CNTN4: variants seen among roughly 807,000 people sequenced by gnomAD.
CNTN4 encodes contactin-4.
In CNTN4, 77 loss-of-function variants were observed where a neutral mutation model predicts 122.5. That is an observed-to-expected ratio of 0.63 (90% CI 0.52 to 0.76). The LOEUF (loss-of-function observed/expected upper bound fraction) is 0.76, where lower values mean the gene tolerates loss of function less well. CNTN4 is among the 30% of genes least tolerant of loss of function. CNTN4 has a pLI of 0.00. For missense variants in CNTN4, 1,256 were observed against 1,259.1 expected, an observed-to-expected ratio of 1.00 and a Z score of 0.04; for synonymous variants, 512 against 447.0, an observed-to-expected ratio of 1.15 and a Z score of -1.83.
chr3:2,673,626 C>G (rs1165798517), intron 4 of CNTN4, among the ~76,000 whole-genome samples: 2 of 152,068 alleles, frequency 1.3e-5, no homozygotes, highest in African/African-American at 2.4e-5. Flanking sequence ...CTGCAAGCTG[C>G]ACCTCACGGG....
intron 2 of CNTN4, among the ~76,000 whole-genome samples, chr3:2,323,857 A>G (rs372469971): frequency 1.3e-5 from 2 of 152,316 alleles, no homozygotes; most frequent in East Asian, 3.9e-4. Flanking sequence ...ACTGGGCTCT[A>G]TAATATGCTT....
At chr3:2,264,832 T>C (rs1317104945) in intron 2 of CNTN4, among the ~76,000 whole-genome samples, 1 of 152,090 alleles carries the variant, frequency 6.6e-6, no homozygotes, top group Non-Finnish European at 1.5e-5. Context: ...CATTCTCCTG[T>C]ATATAGTTTT....
At chr3:2,749,469 C>A (rs1266775348) in intron 6 of CNTN4, among the ~76,000 whole-genome samples, 1 of 152,008 alleles carries the variant, frequency 6.6e-6, no homozygotes, top group Admixed American at 6.6e-5. Context: ...GCTCATTTAC[C>A]AGAATTTAAT....
chr3:2,482,704 T>C (rs1411543171), intron 3 of CNTN4, among the ~76,000 whole-genome samples: 3 of 152,152 alleles, frequency 2.0e-5, no homozygotes, highest in Non-Finnish European at 4.4e-5. Context: ...GGGGCCAAGG[T>C]ACACACAGGG....
intron 13 of CNTN4, among the ~76,000 whole-genome samples, chr3:2,945,726 G>C (rs2094669877): frequency 2.0e-5 from 3 of 152,098 alleles, no homozygotes; most frequent in Admixed American, 2.0e-4. Context: ...TATGCAAGAG[G>C]GTCAGTGTCT....
intron 3 of CNTN4, among the ~76,000 whole-genome samples, chr3:2,429,468 C>T (rs1249980053): frequency 6.6e-6 from 1 of 152,198 alleles, no homozygotes; most frequent in African/African-American, 2.4e-5. Flanking sequence ...GGCACCCGGC[C>T]ATATGAGGTG....
At chr3:2,309,847 A>G (rs775306245) in intron 2 of CNTN4, among the ~76,000 whole-genome samples, 6 of 152,192 alleles carry the variant, frequency 3.9e-5, no homozygotes, top group Non-Finnish European at 8.8e-5. Context: ...CCACATGTGG[A>G]AAGTCTCAGG....
chr3:2,880,896 G>A (rs193250045), intron 8 of CNTN4, among the ~76,000 whole-genome samples: 22 of 152,224 alleles, frequency 1.4e-4, no homozygotes, highest in African/African-American at 3.6e-4. Context: ...AGGGATAAGC[G>A]TCCCTTCAAG....
intron 5 of CNTN4, among the ~76,000 whole-genome samples, chr3:2,740,385 G>A (rs1030475647): frequency 6.6e-6 from 1 of 152,046 alleles, no homozygotes; most frequent in Non-Finnish European, 1.5e-5. Context: ...ATAAAAGTCA[G>A]TATGCCAGAG....
At chr3:2,886,125 G>A (rs535241910) in intron 9 of CNTN4, among the ~76,000 whole-genome samples, 1 of 152,290 alleles carries the variant, frequency 6.6e-6, no homozygotes, top group African/African-American at 2.4e-5. Context: ...TGGGAGGAAT[G>A]TGAAAGAATT....
chr3:2,507,624 A>C (rs1294445034), intron 3 of CNTN4, among the ~76,000 whole-genome samples: 3 of 150,940 alleles, frequency 2.0e-5, no homozygotes, highest in African/African-American at 7.3e-5. Context: ...AATCCCAGCT[A>C]CTCGGGAGGC....
chr3:2,341,023 ATCTT>A (rs2044191776), intron 3 of CNTN4, among the ~76,000 whole-genome samples: 1 of 152,028 alleles, frequency 6.6e-6, no homozygotes, highest in South Asian at 2.1e-4. Context: ...AGCAGGAACC[ATCTT>A]TCTTAAGGCA....
rs552815449 is a variant in CNTN4 at position 2,992,479 on chromosome 3, A to G, written c.1486+4007A>G. ...TCTACAGAGGGCAGGGTACATTTAT[A>G]TGCAATATTGTACTTACTAAATCAT... On this transcript the variant is annotated intron_variant, in intron 14 of 24. Coordinates refer to ENST00000418658, the MANE Select transcript of CNTN4 (RefSeq NM_175607.3). Among the ~76,000 whole-genome samples, 24 of 152,306 alleles carry G rather than the reference A, an allele frequency of 1.6e-4. No individual in the cohort carries two copies. In the South Asian group the frequency reaches 5.0e-3, roughly 32 times the overall value.
At chr3:2,759,580 A>G (rs1440638637) in intron 6 of CNTN4, among the ~76,000 whole-genome samples, 1 of 152,152 alleles carries the variant, frequency 6.6e-6, no homozygotes, top group African/African-American at 2.4e-5. Context: ...GCTGCTATGA[A>G]CATTCATATA....
intron 4 of CNTN4, among the ~76,000 whole-genome samples, chr3:2,672,919 A>G (rs2084618404): frequency 6.6e-6 from 1 of 152,192 alleles, no homozygotes; most frequent in Non-Finnish European, 1.5e-5. Flanking sequence ...AGGAGCTTAC[A>G]TTCGAGTGGG....
At chr3:2,375,279 C>T (rs1559497901) in intron 3 of CNTN4, among the ~76,000 whole-genome samples, 1 of 152,204 alleles carries the variant, frequency 6.6e-6, no homozygotes, top group Non-Finnish European at 1.5e-5. Flanking sequence ...TCTAAACAAA[C>T]TTTGGCTTTG....
At chr3:2,398,926 A>G (rs1159110523) in intron 3 of CNTN4, among the ~76,000 whole-genome samples, 1 of 152,130 alleles carries the variant, frequency 6.6e-6, no homozygotes, top group Non-Finnish European at 1.5e-5. Flanking sequence ...AGGCGTTTCC[A>G]TATATTGATT....
In CNTN4 at chr3:2,227,876, G is replaced by T. The variant is rs1323218548; in HGVS notation, c.-144-111302G>T. The stretch of plus-strand genomic sequence containing the variant: ...TGTTTCACAAACCACAGTTAATTTA[G>T]TAAGGAAAATAAGCAATATGTTTAA... On this transcript the variant is annotated intron_variant, in intron 2 of 24. Coordinates refer to ENST00000418658, the MANE Select transcript of CNTN4 (RefSeq NM_175607.3). Among the ~76,000 whole-genome samples, 2 of 152,044 alleles carry T rather than the reference G, an allele frequency of 1.3e-5. 1 individual carries two copies. Among genetic ancestry groups the T allele is most frequent in the Admixed American group, 1.3e-4 (2 of 15,260 alleles).
At chr3:3,039,340 C>T (rs1699935283) in intron 19 of CNTN4, 1 of 246,980 alleles carries the variant, frequency 4.0e-6, no homozygotes, top group African/African-American at 2.2e-5. Context: ...TTTAAAACGT[C>T]TGCCAGCAAT....
Sources: gnomAD v4.1 joint callset for allele counts (sites outside exome capture counted in the v4.1 genomes callset) on GRCh38, gnomAD v4.1.1 for gene constraint, MANE v1.5 for transcripts, NCBI Gene and HGNC (gene_info 2026-07-23, HGNC 2026-07-21) for gene names.